The following PHF21A variants were observed in gnomAD, a reference collection of about 807,000 sequenced individuals.
PHF21A encodes the protein BHC80a.
PHF21A carries 11 observed loss-of-function variants against 82.5 expected under a neutral mutation model. The ratio of observed to expected loss-of-function variants is 0.13; its 90% CI spans 0.08 to 0.22. The LOEUF (loss-of-function observed/expected upper bound fraction) is 0.22, where lower values mean the gene tolerates loss of function less well. Among genes scored for constraint, PHF21A ranks in the 10% least tolerant of loss-of-function variants. PHF21A has a pLI of 1.00. For missense variants in PHF21A, 579 were observed against 837.8 expected, an observed-to-expected ratio of 0.69 and a Z score of 3.81; for synonymous variants, 297 against 302.8, an observed-to-expected ratio of 0.98 and a Z score of 0.20.
Position 45,964,027 on chromosome 11 carries a change from G to A in PHF21A, c.996+1288C>T, listed in dbSNP as rs139376022. 1.6e-3 allele frequency among the ~76,000 whole-genome samples: 242 copies of A among 151,800 alleles called. 7 individuals are homozygous for A. In the East Asian group the frequency reaches 0.041, roughly 26 times the overall value. On this transcript the variant is annotated intron_variant, in intron 10 of 18. Coordinates refer to ENST00000676320, the MANE Select transcript of PHF21A (RefSeq NM_001352027.3). The stretch of plus-strand genomic sequence containing the variant: ...CAGCTGACCAACATGGAGAAACCCC[G>A]TCTCTACTAAAAATACAAAATTAGC...
At chr11:45,975,396 ATAAAACAGATGAACTC>A (rs933251598) in intron 7 of PHF21A, among the ~76,000 whole-genome samples, 8 of 151,804 alleles carry the variant, frequency 5.3e-5, no homozygotes, top group Non-Finnish European at 1.0e-4. Context: ...ACAAAATAAA[ATAAAACAGATGAACTC>A]CAATATACAA....
rs2087774917 is a variant in PHF21A, at chr11:45,932,675, A to G, written c.*1293T>C. ...CCTTGATCTTAATTTAAGTAACACTAGGAAGACCTCAATATCTTTTATTTT... is the reference window on the plus strand; with the variant it reads ...CCTTGATCTTAATTTAAGTAACACTGGGAAGACCTCAATATCTTTTATTTT... On this transcript the variant is annotated 3_prime_UTR_variant, in exon 19 of 19. Coordinates refer to ENST00000676320, the MANE Select transcript of PHF21A (RefSeq NM_001352027.3). This position sits in a 1 kb window ranked among gnomAD's most constrained non-coding sequence, Gnocchi z 4.3. 6.6e-6 allele frequency: 1 copy of G among 152,634 alleles called. No individual in the cohort carries two copies. The highest frequency in any genetic ancestry group is 2.4e-5 in the African/African-American group (1 of 41,448). The allele number at this position is 152,634 out of a possible 1,614,324, so 9.5% of individuals were successfully genotyped here.
chr11:45,990,250 C>CTTTTT (rs201187984), intron 6 of PHF21A, among the ~76,000 whole-genome samples: 1 of 56,232 alleles, frequency 1.8e-5, no homozygotes. Context: ...TTTTCATCTT[C>CTTTTT]TTTTTTTTTT....
intron 7 of PHF21A, among the ~76,000 whole-genome samples, chr11:45,975,830 C>T (rs1473263109): frequency 2.0e-5 from 3 of 152,166 alleles, no homozygotes; most frequent in Non-Finnish European, 4.4e-5. Flanking sequence ...GCCAATCACC[C>T]GACTTAGAAT....
At chr11:45,980,961 C>T (rs1037541587) in intron 6 of PHF21A, among the ~76,000 whole-genome samples, 1 of 152,124 alleles carries the variant, frequency 6.6e-6, no homozygotes, top group African/African-American at 2.4e-5. Flanking sequence ...GTTCTTCAAA[C>T]TTTCTAGGCC....
chr11:46,086,517 C>A (rs2096859433), intron 3 of PHF21A, among the ~76,000 whole-genome samples: 1 of 152,186 alleles, frequency 6.6e-6, no homozygotes, highest in Non-Finnish European at 1.5e-5. Flanking sequence ...ATCATGTAAG[C>A]TTACTCTACC....
intron 1 of PHF21A, among the ~76,000 whole-genome samples, chr11:46,096,456 T>C (rs1344025774): frequency 1.3e-5 from 2 of 152,148 alleles, no homozygotes; most frequent in Non-Finnish European, 2.9e-5. Flanking sequence ...CCTCCATTCT[T>C]GTGAAGATCA....
rs746842845 is a variant in PHF21A, at chr11:45,929,826, C to T, written c.*4142G>A. ...CTTTAGCAAGGGGCCAGAAGACTGC[C>T]CAGGGCTGCCCACTCCTGTCTTGGA... On this transcript the variant is annotated 3_prime_UTR_variant, in exon 19 of 19. Transcript: ENST00000676320. 1 of 152,230 alleles carries T rather than the reference C, an allele frequency of 6.6e-6. No individual in the cohort carries two copies. The highest frequency in any genetic ancestry group is 1.5e-5 in the Non-Finnish European group (1 of 68,064). The allele number at this position is 152,230 out of a possible 1,614,324, so 9.4% of individuals were successfully genotyped here.
At chr11:45,934,507 A>C (rs944842402) in intron 18 of PHF21A, 12 of 373,168 alleles carry the variant, frequency 3.2e-5, no homozygotes, top group Non-Finnish European at 5.3e-5. Flanking sequence ...CTTAAAAACA[A>C]ACCGGCAGAG....
chr11:45,958,420 AT>A lies in PHF21A; in HGVS notation c.997-4796del, dbSNP rs1209736744. ...TCAAAAAAAAAAAAAAAAAAAAAAA[AT>A]ATATATATATATATATATATATATA... is the stretch of plus-strand genomic sequence containing the variant. On this transcript the variant is annotated intron_variant, in intron 10 of 18. Transcript: ENST00000676320. Among the ~76,000 whole-genome samples the A allele has an allele frequency of 4.7e-3, 71 of 14,994 alleles. 2 individuals carry two copies. Among genetic ancestry groups the A allele is most frequent in the East Asian group, 0.01 (1 of 100 alleles). 9.8% of individuals were successfully genotyped at this position (14,994 alleles called of 152,430 possible).
intron 18 of PHF21A, chr11:45,935,066 G>A (rs1416916086): frequency 1.2e-5 from 15 of 1,255,100 alleles, no homozygotes; most frequent in Non-Finnish European, 1.1e-5. Context: ...CTGTCCCCCT[G>A]CTGCAAATAC....
intron 6 of PHF21A, among the ~76,000 whole-genome samples, chr11:46,064,259 A>C (rs1333444839): frequency 6.6e-6 from 1 of 152,226 alleles, no homozygotes; most frequent in Admixed American, 6.5e-5. Context: ...TCAAAATGAT[A>C]CAATTTGTTT....
intron 15 of PHF21A, 101 bp downstream of exon 15, chr11:45,945,739 G>T: frequency 1.0e-6 from 1 of 969,522 alleles, no homozygotes; most frequent in Non-Finnish European, 1.5e-6. Context: ...CTGTTCCAGG[G>T]TTAGTCAAGA....
Position 46,032,433 on chromosome 11 carries a change from C to A in PHF21A, c.153+44321G>T, listed in dbSNP as rs568855055. Among the ~76,000 whole-genome samples the A allele has an allele frequency of 2.6e-5, 4 of 152,174 alleles. No homozygotes were observed. The South Asian group carries it at 8.3e-4, about 32-fold the overall frequency. ...TACATTTCCATGTGAAAATCAGTAT[C>A]ATCTACTTCCTTTTCTTAACAAGTG... On this transcript the variant is annotated intron_variant, in intron 6 of 18. Coordinates refer to ENST00000676320, the MANE Select transcript of PHF21A (RefSeq NM_001352027.3).
At chr11:45,944,336 A>C (rs1487936985) in intron 15 of PHF21A, among the ~76,000 whole-genome samples, 1 of 152,208 alleles carries the variant, frequency 6.6e-6, no homozygotes, top group Non-Finnish European at 1.5e-5. Context: ...GGTAGGTGAG[A>C]AGCATAGGCA....
At chr11:46,059,365 C>T (rs2139429623) in intron 6 of PHF21A, among the ~76,000 whole-genome samples, 1 of 152,220 alleles carries the variant, frequency 6.6e-6, no homozygotes, top group South Asian at 2.1e-4. Flanking sequence ...TAAAGAAATG[C>T]TCAAGATATA....
At chr11:46,049,456 T>A (rs895637550) in intron 6 of PHF21A, 1 of 456,112 alleles carries the variant, frequency 2.2e-6, no homozygotes, top group African/African-American at 2.0e-5. Flanking sequence ...TACAGTGGCA[T>A]CTGCAAGCCA....
At chr11:46,047,140 T>C (rs1267041112) in intron 6 of PHF21A, among the ~76,000 whole-genome samples, 2 of 152,216 alleles carry the variant, frequency 1.3e-5, no homozygotes, top group African/African-American at 4.8e-5. Context: ...TGGTAGAGTA[T>C]GGACCCAGTC....
At chr11:45,953,805 C>G (rs944622543) in intron 10 of PHF21A, among the ~76,000 whole-genome samples, 180 bp from the exon 11 acceptor site, 4 of 151,982 alleles carry the variant, frequency 2.6e-5, no homozygotes, top group Non-Finnish European at 4.4e-5. Flanking sequence ...AAATGTAAAG[C>G]CCCAGTTGAA....
Sources: gnomAD v4.1 joint callset for allele counts (sites outside exome capture counted in the v4.1 genomes callset) on GRCh38, gnomAD v4.1.1 for gene constraint, Gnocchi (gnomAD v3.1) non-coding constraint, MANE v1.5 for transcripts, NCBI Gene and HGNC (gene_info 2026-07-23, HGNC 2026-07-21) for gene names.